The following NCOA1 variants were observed in gnomAD, a reference collection of about 807,000 sequenced individuals.
The protein encoded by NCOA1 is Hin-2 protein.
In NCOA1, 35 loss-of-function variants were observed where a neutral mutation model predicts 150.9. The ratio of observed to expected loss-of-function variants is 0.23; its 90% CI spans 0.18 to 0.31. The LOEUF is 0.31. Ranked by LOEUF, NCOA1 falls within the 10% of genes least tolerant of loss-of-function variation. The probability of loss-of-function intolerance (pLI) is 1.00; values close to 1 mark genes in which losing one functional copy is unlikely to be tolerated. For synonymous variants in NCOA1, 590 were observed against 630.0 expected (o/e 0.94, Z 0.95); for missense variants, 1,491 against 1,749.3 (o/e 0.85, Z 2.63).
At chr2:24,637,166 T>C (rs949708794) in intron 3 of NCOA1, among the ~76,000 whole-genome samples, 21 of 151,152 alleles carry the variant, frequency 1.4e-4, no homozygotes, top group African/African-American at 4.6e-4. Context: ...TGTGCCATGC[T>C]GGTGTGCTGC....
At chr2:24,715,133 T>C (rs186802764) in intron 14 of NCOA1, among the ~76,000 whole-genome samples, 1 of 152,194 alleles carries the variant, frequency 6.6e-6, no homozygotes, top group Non-Finnish European at 1.5e-5. Flanking sequence ...TGAGAAAATT[T>C]GTCACCAGCA....
rs960746703 is a variant in NCOA1 at position 24,752,267 on chromosome 2, G to A, written c.3881+111G>A. ...GGAACATTATGTAAAGTGAAAGAAG[G>A]CCGGACACAAAAGGCCACATATGGC... On this transcript the variant is annotated intron_variant, in intron 20 of 22. Transcript: ENST00000348332. The A allele has an allele frequency of 6.2e-6, 8 of 1,283,378 alleles. No individual in the cohort carries two copies. The African/African-American group carries it at 1.1e-4, about 17-fold the overall frequency. The allele number at this position is 1,283,378 out of a possible 1,614,324, so 79.5% of individuals were successfully genotyped here.
intron 1 of NCOA1, among the ~76,000 whole-genome samples, chr2:24,551,937 T>C (rs1430821829): frequency 6.6e-6 from 1 of 152,174 alleles, no homozygotes; most frequent in East Asian, 1.9e-4. Flanking sequence ...CCTGGTACTT[T>C]TGTTTGAAAT....
rs866901480 is a variant in NCOA1 at position 24,751,344 on chromosome 2, A to C, written c.3707-638A>C. On this transcript the variant is annotated intron_variant, in intron 19 of 22. Coordinates refer to ENST00000348332, the MANE Select transcript of NCOA1 (RefSeq NM_003743.5). ...ACACCTGTAATCCCAGCATTTTGGG[A>C]GGCCAAGGCGGGTGGATCACCTGAG... Among the ~76,000 whole-genome samples, 3 of 149,682 alleles carry C rather than the reference A, an allele frequency of 2.0e-5. No homozygotes were observed. In the Middle Eastern group the frequency reaches 0.01, roughly 513 times the overall value.
rs2148308153 is a variant in NCOA1 at position 24,581,119 on chromosome 2, A to T, written c.-259-3357A>T. Among the ~76,000 whole-genome samples, 6 of 152,328 alleles carry T rather than the reference A, an allele frequency of 3.9e-5. 1 individual carries two copies. The highest frequency in any genetic ancestry group is 3.9e-4 in the Admixed American group (6 of 15,298). The stretch of plus-strand genomic sequence containing the variant: ...TGGCTGGGAGGGGCAGGAATGTGTC[A>T]TTATGGTTCCCCACATATCCTCCAC... On this transcript the variant is annotated intron_variant, in intron 2 of 22. Transcript: ENST00000348332.
chr2:24,581,031 A>G (rs1464708159), intron 2 of NCOA1, among the ~76,000 whole-genome samples: 1 of 152,158 alleles, frequency 6.6e-6, no homozygotes, highest in Non-Finnish European at 1.5e-5. Flanking sequence ...CACTCAATTT[A>G]GGGAGAGATT....
intron 16 of NCOA1, 100 bp downstream of exon 16, chr2:24,728,576 C>A: frequency 1.0e-6 from 1 of 990,434 alleles, no homozygotes; most frequent in Non-Finnish European, 1.4e-6. Context: ...TATGCTTTAG[C>A]TGTTTTATAA....
intron 3 of NCOA1, among the ~76,000 whole-genome samples, chr2:24,611,109 C>T (rs777840458): frequency 6.6e-6 from 1 of 152,130 alleles, no homozygotes; most frequent in Non-Finnish European, 1.5e-5. Flanking sequence ...CCCATCTCTC[C>T]CTCCCTGCTC....
rs565558224 is a variant in NCOA1, at chr2:24,770,419, A to C, written c.*2028A>C. 8.7e-6 allele frequency: 2 copies of C among 229,284 alleles called. No individual in the cohort carries two copies. The highest frequency in any genetic ancestry group is 3.6e-4 in the South Asian group (2 of 5,502). 14.2% of individuals were successfully genotyped at this position (229,284 alleles called of 1,614,324 possible). ...TCCCCCATCCCAACTGCACCTTAAA[A>C]TATGCATGTCACCTTCAAGGTTTTA... is the stretch of plus-strand genomic sequence containing the variant. On this transcript the variant is annotated 3_prime_UTR_variant, in exon 23 of 23. Transcript: ENST00000348332.
At chr2:24,749,148 G>C (rs1201518186) in intron 19 of NCOA1, among the ~76,000 whole-genome samples, 1 of 152,212 alleles carries the variant, frequency 6.6e-6, no homozygotes, top group African/African-American at 2.4e-5. Context: ...AGAGGGACCA[G>C]AGTTACTTTC....
chr2:24,697,500 A>G (rs1425789251), intron 10 of NCOA1, among the ~76,000 whole-genome samples, 158 bp from the exon 11 acceptor site: 1 of 152,228 alleles, frequency 6.6e-6, no homozygotes, highest in African/African-American at 2.4e-5. Flanking sequence ...TGTCAATAAC[A>G]TACTTCATAA....
At chr2:24,687,789 A>G (rs574299272) in intron 8 of NCOA1, among the ~76,000 whole-genome samples, 1 of 152,272 alleles carries the variant, frequency 6.6e-6, no homozygotes, top group African/African-American at 2.4e-5. Flanking sequence ...CTCCCTCGAC[A>G]TGTGGGGATT....
At chr2:24,645,335 CAAAAA>C (rs549749004) in intron 4 of NCOA1, among the ~76,000 whole-genome samples, 10 of 80,352 alleles carry the variant, frequency 1.2e-4, no homozygotes, top group African/African-American at 4.7e-4. Context: ...ACTAAAAATA[CAAAAA>C]AAAAAAAAAA....
chr2:24,697,143 G>C (rs1322129738), intron 10 of NCOA1, among the ~76,000 whole-genome samples: 3 of 151,990 alleles, frequency 2.0e-5, no homozygotes, highest in African/African-American at 4.8e-5. Flanking sequence ...CTGTTTTTCT[G>C]ATTTAACTTT....
At chr2:24,739,351 A>G (rs558309219) in intron 17 of NCOA1, 81 bp from the exon 18 acceptor site, 3 of 1,000,884 alleles carry the variant, frequency 3.0e-6, no homozygotes, top group South Asian at 1.4e-5. Flanking sequence ...TTAGTAATCA[A>G]TAGAAAGTTT....
chr2:24,712,842 C>A (rs1049972503), intron 14 of NCOA1, among the ~76,000 whole-genome samples: 1 of 149,224 alleles, frequency 6.7e-6, no homozygotes. Flanking sequence ...CCAGAAAGAA[C>A]AAAAAGATGC....
At chr2:24,504,070 A>G (rs1049586152) in intron 1 of NCOA1, among the ~76,000 whole-genome samples, 1 of 151,998 alleles carries the variant, frequency 6.6e-6, no homozygotes, top group Admixed American at 6.6e-5. Flanking sequence ...CTTCGCTTCC[A>G]GATTGTAAAT....
chr2:24,525,702 A>G (rs1459107632), intron 1 of NCOA1, among the ~76,000 whole-genome samples: 4 of 151,932 alleles, frequency 2.6e-5, no homozygotes, highest in Non-Finnish European at 5.9e-5. Flanking sequence ...ATGCGTCACC[A>G]TGCCTGGCTA....
intron 3 of NCOA1, among the ~76,000 whole-genome samples, chr2:24,603,147 G>A (rs553095788): frequency 3.9e-5 from 6 of 151,918 alleles, no homozygotes; most frequent in South Asian, 4.2e-4. Flanking sequence ...ATGCTATACC[G>A]TAGTCTATCA....
Sources: gnomAD v4.1 joint callset for allele counts (sites outside exome capture counted in the v4.1 genomes callset) on GRCh38, gnomAD v4.1.1 for gene constraint, MANE v1.5 for transcripts, NCBI Gene and HGNC (gene_info 2026-07-23, HGNC 2026-07-21) for gene names.